Variants in CEP170B observed in about 807,000 individuals in gnomAD.
CEP170B encodes the protein centrosomal protein 170B, also known as centrosomal protein of 170 kDa protein B.
CEP170B carries 55 observed loss-of-function variants against 120.6 expected under a neutral mutation model. That is an observed-to-expected ratio of 0.46 (90% confidence interval 0.37 to 0.57). CEP170B has a LOEUF of 0.57. Ranked by LOEUF, CEP170B falls within the 20% of genes least tolerant of loss-of-function variation. The pLI is 0.00. For missense variants in CEP170B, 2,212 were observed against 2,253.3 expected (o/e 0.98, Z 0.37); for synonymous variants, 1,033 against 954.5 (o/e 1.08, Z -1.52).
chr14:104,895,086 C>A lies in CEP170B; in HGVS notation c.*128C>A. 1 of 1,119,868 alleles carries A rather than the reference C, an allele frequency of 8.9e-7. No individual in the cohort carries two copies. Among genetic ancestry groups the A allele is most frequent in the Non-Finnish European group, 1.2e-6 (1 of 813,506 alleles). The allele number at this position is 1,119,868 out of a possible 1,614,324, so 69.4% of individuals were successfully genotyped here. A position where few individuals can be genotyped will look rare whatever the true frequency, so the allele number is the denominator to read the frequency against. ...CCCACATGTGCCATATCCCTGTGGG[C>A]GGGTGCCTCCCACGCCCTTGCCCCC... On this transcript the variant is annotated 3_prime_UTR_variant, in exon 19 of 19. Coordinates refer to ENST00000414716, the MANE Select transcript of CEP170B (RefSeq NM_001112726.3).
chr14:104,884,096 G>A lies in CEP170B; in HGVS notation c.1317G>A (p.Thr439=), dbSNP rs770032638. 1.7e-5 allele frequency: 27 copies of A among 1,587,246 alleles called. No individual in the cohort carries two copies. The highest frequency in any genetic ancestry group is 7.1e-5 in the Admixed American group (4 of 56,202). ...AGGCCGACAAGCGCCGTGGCCCAAC[G>A]CCGGCCGATAGGGACCGCCCCAGTG... ...DPKADKRRGP[T]PADRDRPSVP... is the part of the protein sequence containing the mutation. Residue 439 remains threonine, a synonymous_variant, in exon 9 of 19, where the codon ACG becomes ACA. Coordinates refer to ENST00000414716, the MANE Select transcript of CEP170B (RefSeq NM_001112726.3).
rs1896269984 is a variant in CEP170B at position 104,883,436 on chromosome 14, C to T, written c.979C>T (p.His327Tyr). 6.4e-7 allele frequency: 1 copy of T among 1,566,438 alleles called. No homozygotes were observed. Among genetic ancestry groups the T allele is most frequent in the South Asian group, 1.2e-5 (1 of 85,518 alleles). The change falls in exon 8 of 19, where the codon CAC (histidine) becomes TAC (tyrosine). Residue 327 changes from histidine to tyrosine, a missense_variant. By Grantham distance (83) the His-to-Tyr change is moderately conservative. This residue lies in a region of CEP170B where 2,166 missense variants were observed against 2,166.7 expected (regional missense o/e 1.00). Coordinates refer to ENST00000414716, the MANE Select transcript of CEP170B (RefSeq NM_001112726.3). ...GGTGCAGAATGACCCGAGCCTGCTG[C>T]ACCGGGTTGGCCCTGGGGATGACCG... ...WLVQNDPSLL[H>Y]RVGPGDDRHS... is the part of the protein sequence containing the mutation.
intron 11 of CEP170B, 61 bp from the exon 12 acceptor site, chr14:104,886,214 C>T: frequency 1.4e-6 from 2 of 1,471,456 alleles, no homozygotes; most frequent in Non-Finnish European, 1.8e-6. Context: ...GCTGCCTCTT[C>T]CTGAGCGTGG....
At chr14:104,879,456 C>T (rs1896027792) in intron 5 of CEP170B, among the ~76,000 whole-genome samples, 1 of 152,110 alleles carries the variant, frequency 6.6e-6, no homozygotes, top group East Asian at 1.9e-4. Context: ...GATCTGAGGT[C>T]TCCTGGGCTG....
At chr14:104,880,156 G>A in intron 5 of CEP170B, 131 bp from the exon 6 acceptor site, 2 of 1,265,660 alleles carry the variant, frequency 1.6e-6, no homozygotes, top group South Asian at 1.4e-5. Context: ...CTTTTGGGGA[G>A]CATTAGGGAG....
intron 13 of CEP170B, among the ~76,000 whole-genome samples, chr14:104,890,170 A>G (rs1420276277): frequency 4.7e-4 from 20 of 42,292 alleles, no homozygotes; most frequent in Middle Eastern, 0.023. Flanking sequence ...GCATGGATGG[A>G]TGGATGGATG....
rs561963071 is a variant in CEP170B, at chr14:104,885,916, C to G, written c.1945-124C>G. The G allele has an allele frequency of 6.2e-5, 54 of 876,200 alleles. 1 individual carries two copies. The African/African-American group carries it at 7.7e-4, about 12-fold the overall frequency. The allele number at this position is 876,200 out of a possible 1,614,324, so 54.3% of individuals were successfully genotyped here. On this transcript the variant is annotated intron_variant, in intron 10 of 18. Coordinates refer to ENST00000414716, the MANE Select transcript of CEP170B (RefSeq NM_001112726.3). Reference sequence around the variant, plus strand: ...GGGCACGCTTGCTCATGCGGCAGGCCCTGGGTGGCGCGCATGCGTGGGGCT... The same window carrying G: ...GGGCACGCTTGCTCATGCGGCAGGCGCTGGGTGGCGCGCATGCGTGGGGCT...
chr14:104,882,843 G>T lies in CEP170B; in HGVS notation c.577+11G>T. 6.2e-7 allele frequency: 1 copy of T among 1,609,728 alleles called. No individual in the cohort carries two copies. Among genetic ancestry groups the T allele is most frequent in the Non-Finnish European group, 8.5e-7 (1 of 1,178,272 alleles). ...GAGAGCCCTACCCAGGTTGGTCTTG[G>T]GGCCAGGCTGGTGAGACCCTGAGGG... On this transcript the variant is annotated intron_variant, in intron 7 of 18. Coordinates refer to ENST00000414716, the MANE Select transcript of CEP170B (RefSeq NM_001112726.3).
chr14:104,893,263 C>T (rs1258991161), intron 14 of CEP170B, 128 bp downstream of exon 14: 2 of 1,213,152 alleles, frequency 1.6e-6, no homozygotes, highest in Non-Finnish European at 2.2e-6. Context: ...CGAGCTGGAA[C>T]ATGTCCCCCT....
At position 104,886,377 on chromosome 14, in the gene CEP170B, C is replaced by T. The variant is rs1379945932; in HGVS notation, c.2138C>T (p.Ala713Val). 17 of 1,580,600 alleles carry T rather than the reference C, an allele frequency of 1.1e-5. No homozygotes were observed. The highest frequency in any genetic ancestry group is 2.7e-5 in the African/African-American group (2 of 74,332). ...QLPSERADSPAGPESSRRSGP... is the reference protein window; with the variant it reads ...QLPSERADSPVGPESSRRSGP... ...CCCAGTGAGAGGGCTGACAGCCCTG[C>T]GGGCCCAGAGAGCAGCAGGAGGAGT... The change falls in exon 12 of 19, where the codon GCG becomes GTG. Residue 713 changes from alanine (A) to valine (V), a missense_variant. By Grantham distance (64) the Ala-to-Val change is moderately conservative (BLOSUM62 0). This residue lies in a region of CEP170B where 2,166 missense variants were observed against 2,166.7 expected (regional missense o/e 1.00). Transcript: ENST00000414716.
intron 5 of CEP170B, among the ~76,000 whole-genome samples, chr14:104,879,161 G>A (rs1896013353): frequency 6.6e-6 from 1 of 152,222 alleles, no homozygotes; most frequent in African/African-American, 2.4e-5. Context: ...AAGGGATTAA[G>A]AGTCTCTAGA....
chr14:104,893,376 A>G (rs895794630), intron 14 of CEP170B, 147 bp from the exon 15 acceptor site: 112 of 1,120,712 alleles, frequency 1.0e-4, no homozygotes, highest in Non-Finnish European at 3.1e-5. Context: ...AGCTGCCTCC[A>G]TGGCGGGGCA....
At chr14:104,894,186 T>G in intron 16 of CEP170B, 99 bp from the exon 17 acceptor site, 1 of 978,956 alleles carries the variant, frequency 1.0e-6, no homozygotes, top group African/African-American at 1.6e-5. Context: ...TGGGCTGGGA[T>G]GAACTTCACC....
Position 104,886,377 on chromosome 14 carries a change from CG to C in CEP170B, c.2141del (p.Gly714AlafsTer109). 1 of 1,580,716 alleles carries C rather than the reference CG, an allele frequency of 6.3e-7. No individual in the cohort carries two copies. On this transcript the variant is annotated frameshift_variant, in exon 12 of 19. Transcript: ENST00000414716. LOFTEE classifies it high-confidence loss of function. ...CCCAGTGAGAGGGCTGACAGCCCTG[CG>C]GGCCCAGAGAGCAGCAGGAGGAGTG... Reference protein sequence around the residue: ...QLPSERADSPAGPESSRRSGP... With the variant: ...QLPSERADSPXGPESSRRSGP...
chr14:104,872,446 C>CCGTGTGTGTG (rs1895610701), intron 2 of CEP170B, among the ~76,000 whole-genome samples: 1 of 99,046 alleles, frequency 1.0e-5, no homozygotes, highest in Non-Finnish European at 2.1e-5. Flanking sequence ...CGTGTGTGTG[C>CCGTGTGTGTG]CATGTGTGTG....
rs191439514 is a variant in CEP170B at position 104,883,177 on chromosome 14, C to T, written c.720C>T (p.Pro240=). The T allele has an allele frequency of 4.4e-5, 71 of 1,598,114 alleles. No individual in the cohort carries two copies. The African/African-American group carries it at 5.5e-4, about 12-fold the overall frequency. ...TKETPQPSQP[P]EVPAHEMPTK... ...AGACCCCGCAGCCGTCGCAGCCCCC[C>T]GAGGTGCCGGCACACGAGATGCCCA... Residue 240 remains proline (P), a synonymous_variant, in exon 8 of 19, where the codon CCC becomes CCT. Coordinates refer to ENST00000414716, the MANE Select transcript of CEP170B (RefSeq NM_001112726.3).
chr14:104,889,856 G>T, intron 13 of CEP170B, 98 bp downstream of exon 13: 2 of 1,293,920 alleles, frequency 1.5e-6, no homozygotes, highest in Admixed American at 2.1e-5. Flanking sequence ...CTCCCTTCTT[G>T]AGTGGATAGA....
chr14:104,872,166 C>CGT lies in CEP170B; in HGVS notation c.105+3619_105+3620dup, dbSNP rs1198091163. Among the ~76,000 whole-genome samples, 9 of 124,640 alleles carry CGT rather than the reference C, an allele frequency of 7.2e-5. No individual in the cohort carries two copies. The East Asian group carries it at 7.8e-4, about 11-fold the overall frequency. The allele number at this position is 124,640 out of a possible 152,430, so 81.8% of individuals were successfully genotyped here. Reference sequence around the variant, plus strand: ...GTGCCGTGTGTGTGCGTGTGTGCCGCGTGTGTGTGCGTGTGTGTGCTGTGT... The same window carrying CGT: ...GTGCCGTGTGTGTGCGTGTGTGCCGCGTGTGTGTGTGCGTGTGTGTGCTGTGT... On this transcript the variant is annotated intron_variant, in intron 2 of 18. Transcript: ENST00000414716.
Position 104,886,947 on chromosome 14 carries a change from T to C in CEP170B, c.2708T>C (p.Met903Thr). 1.2e-6 allele frequency: 2 copies of C among 1,608,916 alleles called. No individual in the cohort carries two copies. Among genetic ancestry groups the C allele is most frequent in the Non-Finnish European group, 8.5e-7 (1 of 1,179,804 alleles). The change falls in exon 12 of 19, where the codon ATG becomes ACG. Residue 903 changes from methionine to threonine, a missense_variant. Physicochemically the swap from Met to Thr is moderately conservative, Grantham distance 81 (BLOSUM62 -1). Around this residue, in one of 2 missense-constraint regions of CEP170B, gnomAD observed 2,166 missense variants for 2,166.7 expected, o/e 1.00. Transcript: ENST00000414716. ...QDLAATRAAR[M>T]DFHSQDTHLI... ...CTGGCCGCTACCCGGGCCGCACGCA[T>C]GGACTTCCACTCCCAGGACACCCAC... is the stretch of plus-strand genomic sequence containing the variant.
Sources: gnomAD v4.1 joint callset for allele counts (sites outside exome capture counted in the v4.1 genomes callset) on GRCh38, gnomAD v4.1.1 for gene constraint, gnomAD v4.1.1 regional missense constraint, MANE v1.5 for transcripts, NCBI Gene and HGNC (gene_info 2026-07-23, HGNC 2026-07-21) for gene names.